The following ZNF362 variants were observed in gnomAD, a reference collection of about 807,000 sequenced individuals.
ZNF362 encodes zinc finger protein 362.
Under a neutral mutation model 42.9 loss-of-function variants are expected in ZNF362, and 11 were observed. The ratio of observed to expected loss-of-function variants is 0.26; its 90% confidence interval spans 0.16 to 0.42. The LOEUF is 0.42. Ranked by LOEUF, ZNF362 falls within the 20% of genes least tolerant of loss-of-function variation. The pLI is 1.00. For synonymous variants in ZNF362, 255 were observed against 257.3 expected, an observed-to-expected ratio of 0.99 and a Z score of 0.09; for missense variants, 362 against 576.2, an observed-to-expected ratio of 0.63 and a Z score of 3.81.
At chr1:33,202,326 G>C in the ZNF362 span, among the ~76,000 whole-genome samples, 16 of 152,288 alleles carry the variant, frequency 1.1e-4, no homozygotes, top group Non-Finnish European at 2.4e-4. Context: ...GCCGGGCGTG[G>C]TGGCTCACGC....
the ZNF362 span, among the ~76,000 whole-genome samples, chr1:33,235,769 T>C: frequency 3.3e-5 from 5 of 152,224 alleles, no homozygotes; most frequent in Non-Finnish European, 7.3e-5. Flanking sequence ...AACAGGATTC[T>C]TGCTGAAGAC....
At chr1:33,254,703 C>T (rs909859221), upstream of ZNF362, among the ~76,000 whole-genome samples, 1 of 151,096 alleles carries the variant, frequency 6.6e-6, no homozygotes, top group Non-Finnish European at 1.5e-5. Flanking sequence ...CATCAGCTCT[C>T]TCCCTGTAAA....
chr1:33,258,783 A>G (rs747893457), intron 1 of ZNF362, among the ~76,000 whole-genome samples: 1 of 152,138 alleles, frequency 6.6e-6, no homozygotes, highest in African/African-American at 2.4e-5. Context: ...TTTTCACAGT[A>G]TGGTGTGGTG....
At chr1:33,138,078 T>G in the ZNF362 span, among the ~76,000 whole-genome samples, 1 of 151,400 alleles carries the variant, frequency 6.6e-6, no homozygotes, top group East Asian at 1.9e-4. Flanking sequence ...TCAGGGGAGG[T>G]GGAGGAGGCA....
the ZNF362 span, among the ~76,000 whole-genome samples, chr1:33,134,506 A>T: frequency 3.3e-5 from 5 of 152,310 alleles, no homozygotes; most frequent in Non-Finnish European, 5.9e-5. Context: ...CCTTTAAAGG[A>T]CTATCCTATG....
At chr1:33,282,065 T>C (rs552849867) in intron 6 of ZNF362, 1 of 534,096 alleles carries the variant, frequency 1.9e-6, no homozygotes, top group East Asian at 3.2e-5. Context: ...TCCCTGTTTC[T>C]CTGGCCATCC....
the ZNF362 span, among the ~76,000 whole-genome samples, chr1:33,175,999 A>G: frequency 1.3e-5 from 2 of 152,336 alleles, no homozygotes; most frequent in African/African-American, 4.8e-5. Context: ...CTGGCTGCCC[A>G]GACACCTGTG....
the ZNF362 span, among the ~76,000 whole-genome samples, chr1:33,236,548 AAAAT>A: frequency 3.3e-4 from 2 of 5,982 alleles, no homozygotes; most frequent in African/African-American, 5.2e-4. Context: ...AAAAAAAAAA[AAAAT>A]ATATATATAT....
chr1:33,221,126 G>A, the ZNF362 span, among the ~76,000 whole-genome samples: 21 of 152,324 alleles, frequency 1.4e-4, no homozygotes, highest in African/African-American at 3.8e-4. Context: ...GAGGCGTGGA[G>A]GGCAAGACCC....
At chr1:33,159,953 G>A in the ZNF362 span, 10 of 1,599,516 alleles carry the variant, frequency 6.3e-6, no homozygotes, top group Middle Eastern at 1.6e-4. This position sits in a 1 kb window ranked among gnomAD's most constrained non-coding sequence, Gnocchi z 4.2. Context: ...GACTGTGGGG[G>A]ACAGTCGTCA....
the ZNF362 span, among the ~76,000 whole-genome samples, chr1:33,174,855 C>G: frequency 1.3e-5 from 2 of 151,112 alleles, no homozygotes; most frequent in African/African-American, 4.9e-5. Flanking sequence ...CAGGGCTGGC[C>G]CTCTGTAGCC....
chr1:33,150,134 C>T, the ZNF362 span, among the ~76,000 whole-genome samples: 2 of 152,228 alleles, frequency 1.3e-5, no homozygotes, highest in Non-Finnish European at 2.9e-5. Flanking sequence ...GATTGGCTTT[C>T]CTTAGCCTGA....
the ZNF362 span, chr1:33,142,645 C>G: frequency 6.6e-6 from 1 of 152,258 alleles, no homozygotes; most frequent in Non-Finnish European, 1.5e-5. Context: ...ACAATTGAGA[C>G]TTGACTTACA....
chr1:33,203,274 G>T, the ZNF362 span, among the ~76,000 whole-genome samples: 3 of 151,984 alleles, frequency 2.0e-5, no homozygotes, highest in Admixed American at 6.6e-5. Context: ...TGTCTTCCAA[G>T]TTCATCCATG....
chr1:33,295,333 C>T, intron 8 of ZNF362, 28 bp downstream of exon 8: 1 of 1,606,444 alleles, frequency 6.2e-7, no homozygotes, highest in Non-Finnish European at 8.5e-7. Context: ...TGTGCCCTGC[C>T]CCGGGGGAGC....
the ZNF362 span, among the ~76,000 whole-genome samples, chr1:33,194,532 CAAAAA>C: frequency 2.0e-4 from 21 of 103,842 alleles, no homozygotes; most frequent in Non-Finnish European, 3.1e-4. Context: ...GACCCTGTCT[CAAAAA>C]AAAAAAAAAA....
At chr1:33,179,705 T>A in the ZNF362 span, among the ~76,000 whole-genome samples, 102 of 152,296 alleles carry the variant, frequency 6.7e-4, 1 homozygote, top group African/African-American at 2.3e-3. Flanking sequence ...TAAGATTCTG[T>A]CTCTGGCCTT....
At chr1:33,171,307 G>T in the ZNF362 span, among the ~76,000 whole-genome samples, 1 of 152,168 alleles carries the variant, frequency 6.6e-6, no homozygotes, top group Admixed American at 6.5e-5. Flanking sequence ...ATGTGGTTTG[G>T]GTTTGAATTT....
the ZNF362 span, among the ~76,000 whole-genome samples, chr1:33,218,326 C>T: frequency 3.4e-4 from 51 of 152,222 alleles, no homozygotes; most frequent in Admixed American, 3.0e-3. Context: ...CTATGGTCCA[C>T]GCTACTTGAG....
Sources: gnomAD v4.1 joint callset for allele counts (sites outside exome capture counted in the v4.1 genomes callset) on GRCh38, gnomAD v4.1.1 for gene constraint, Gnocchi (gnomAD v3.1) non-coding constraint, MANE v1.5 for transcripts, NCBI Gene and HGNC (gene_info 2026-07-23, HGNC 2026-07-21) for gene names.